Variants in CEP131 observed in about 807,000 individuals in gnomAD.
CEP131 encodes the protein centrosomal protein 131.
A neutral mutation model predicts 136.8 loss-of-function variants in CEP131; 99 were observed. The observed-to-expected ratio is 0.72, with a 90% CI of 0.62 to 0.86. CEP131 has a LOEUF of 0.86. Ranked by LOEUF, CEP131 falls within the 40% of genes least tolerant of loss-of-function variation. CEP131 has a pLI of 0.00. For synonymous variants in CEP131, 646 were observed against 612.7 expected (o/e 1.05, Z -0.80); for missense variants, 1,459 against 1,463.0 (o/e 1.00, Z 0.04).
intron 2 of CEP131, among the ~76,000 whole-genome samples, chr17:81,218,470 G>C (rs1432983900): frequency 6.6e-6 from 1 of 152,266 alleles, no homozygotes; most frequent in Non-Finnish European, 1.5e-5. Flanking sequence ...CTGCGGACAG[G>C]AGAGGCAGCA....
chr17:81,197,212 C>T (rs931248664), intron 13 of CEP131, among the ~76,000 whole-genome samples, 157 bp from the exon 14 acceptor site: 1 of 152,188 alleles, frequency 6.6e-6, no homozygotes, highest in African/African-American at 2.4e-5. Context: ...GGCGGCCCAG[C>T]AGAGGTCGTT....
chr17:81,198,852 G>A, intron 11 of CEP131, 25 bp downstream of exon 11: 1 of 1,558,410 alleles, frequency 6.4e-7, no homozygotes, highest in Non-Finnish European at 8.7e-7. Context: ...AACCATGATG[G>A]AGTGAAGGAC....
intron 7 of CEP131, among the ~76,000 whole-genome samples, chr17:81,200,794 A>T (rs1158232429): frequency 6.6e-6 from 1 of 152,168 alleles, no homozygotes; most frequent in Non-Finnish European, 1.5e-5. Flanking sequence ...GCGGGACCCT[A>T]CCCACAGGCA....
rs1411778142 is a variant in CEP131 at position 81,203,250 on chromosome 17, G to T, written c.629+244C>A. 6.6e-6 allele frequency among the ~76,000 whole-genome samples: 1 copy of T among 152,228 alleles called. No homozygotes were observed. Among genetic ancestry groups the T allele is most frequent in the Non-Finnish European group, 1.5e-5 (1 of 68,030 alleles). ...GTGGGAAGCTGCCGACCCAAGAACA[G>T]AAGAGGGCGGCGGACGTGGATGGGG... On this transcript the variant is annotated intron_variant, in intron 6 of 25. Coordinates refer to ENST00000450824, the MANE Select transcript of CEP131 (RefSeq NM_014984.4). This position sits in a 1 kb window ranked among gnomAD's most constrained non-coding sequence, Gnocchi z 4.6.
At chr17:81,199,258 G>A (rs527498539) in intron 10 of CEP131, 123 bp downstream of exon 10, 10 of 1,221,182 alleles carry the variant, frequency 8.2e-6, no homozygotes, top group Admixed American at 5.5e-5. Flanking sequence ...CCCTAACTCC[G>A]AGGACTGGGG....
chr17:81,199,253 A>G, intron 10 of CEP131, 128 bp downstream of exon 10: 2 of 1,165,176 alleles, frequency 1.7e-6, no homozygotes, highest in South Asian at 3.2e-5. Context: ...AAGGCCCCTA[A>G]CTCCGAGGAC....
rs372376051 is a variant in CEP131 at position 81,220,029 on chromosome 17, C to T, written c.28G>A (p.Val10Ile). ...ACACCTGCTGGGCTGCGCTCCGGGACGCTGCCGATGGCCCGGGTGCCTTTC... is the reference window on the plus strand; with the variant it reads ...ACACCTGCTGGGCTGCGCTCCGGGATGCTGCCGATGGCCCGGGTGCCTTTC... MKGTRAIGS[V>I]PERSPAGVDL... Residue 10 changes from valine (V) to isoleucine (I), a missense_variant, in exon 2 of 26, where the codon GTC becomes ATC. Around this residue, in one of 3 missense-constraint regions of CEP131, gnomAD observed 187 missense variants for 179.9 expected, o/e 1.04. Coordinates refer to ENST00000450824, the MANE Select transcript of CEP131 (RefSeq NM_014984.4). The T allele has an allele frequency of 2.9e-5, 47 of 1,597,998 alleles. No individual in the cohort carries two copies. The highest frequency in any genetic ancestry group is 1.8e-4 in the African/African-American group (13 of 74,174).
At chr17:81,209,052 G>A (rs760652432) in intron 2 of CEP131, 30 bp from the exon 3 acceptor site, 1 of 1,507,066 alleles carries the variant, frequency 6.6e-7, no homozygotes, top group Non-Finnish European at 9.2e-7. Context: ...AGTTAATTAT[G>A]CAGCAAAGGC....
chr17:81,193,984 G>A lies in CEP131; in HGVS notation c.2263C>T (p.Gln755Ter). 1 of 1,547,402 alleles carries A rather than the reference G, an allele frequency of 6.5e-7. No individual in the cohort carries two copies. The highest frequency in any genetic ancestry group is 8.7e-7 in the Non-Finnish European group (1 of 1,147,030). The change falls in exon 18 of 26, where the codon CAG becomes TAG. Residue 755 changes from glutamine to a stop codon, truncating the protein, a stop_gained. Transcript: ENST00000450824. LOFTEE classifies it high-confidence loss of function. ...CLRQAEELRE[Q>*]LEREKEALGQ... ...AGCGCCTCCTTCTCCCGCTCCAGCT[G>A]CTCCCGCAGCTCCTCGGCCTGGCGC...
At chr17:81,197,911 CG>C (rs755853357) in intron 12 of CEP131, 23 bp from the exon 13 acceptor site, 3 of 1,602,812 alleles carry the variant, frequency 1.9e-6, no homozygotes, top group African/African-American at 2.7e-5. Flanking sequence ...AGCCCAGCAT[CG>C]GGGGCTGTCA....
At position 81,194,156 on chromosome 17, in the gene CEP131, G is replaced by A. The variant is rs373309749; in HGVS notation, c.2120-29C>T. ...GGGGCGGGGCACCAGCTAGGGCCAC[G>A]TCCAGCTAGGGTGGGCCCGGGAAGT... On this transcript the variant is annotated intron_variant, in intron 17 of 25. Coordinates refer to ENST00000450824, the MANE Select transcript of CEP131 (RefSeq NM_014984.4). The A allele has an allele frequency of 4.8e-5, 71 of 1,481,128 alleles. 1 individual carries two copies. In the Middle Eastern group the frequency reaches 1.3e-3, roughly 27 times the overall value. The allele number at this position is 1,481,128 out of a possible 1,614,324, so 91.7% of individuals were successfully genotyped here.
Position 81,206,845 on chromosome 17 carries a change from CA to C in CEP131, c.413del (p.Leu138CysfsTer119). On this transcript the variant is annotated frameshift_variant, in exon 5 of 26. Transcript: ENST00000450824. LOFTEE classifies it high-confidence loss of function. ...VLDDQPRGFT[L>X]PSNARSSSAL... Reference sequence around the variant, plus strand: ...CACTGGAACTCCGGGCATTGGATGGCAAGGTGAAGCCCCGGGGCTGGTCATC... The same window carrying C: ...CACTGGAACTCCGGGCATTGGATGGCAGGTGAAGCCCCGGGGCTGGTCATC... The C allele has an allele frequency of 6.2e-7, 1 of 1,613,958 alleles. No individual in the cohort carries two copies. Among genetic ancestry groups the C allele is most frequent in the Non-Finnish European group, 8.5e-7 (1 of 1,180,002 alleles).
In CEP131 at chr17:81,193,912, G is replaced by A; in HGVS notation, c.2321+14C>T. The A allele has an allele frequency of 6.5e-7, 1 of 1,532,092 alleles. No individual in the cohort carries two copies. Among genetic ancestry groups the A allele is most frequent in the Non-Finnish European group, 8.8e-7 (1 of 1,142,228 alleles). 94.9% of individuals were successfully genotyped at this position (1,532,092 alleles called of 1,614,324 possible). On this transcript the variant is annotated intron_variant, in intron 18 of 25. Coordinates refer to ENST00000450824, the MANE Select transcript of CEP131 (RefSeq NM_014984.4). The stretch of plus-strand genomic sequence containing the variant: ...TGAGGGTCCTGGCCCCACCGGCCTG[G>A]GGCCACCACCCACCGCTGCCGAGCA...
intron 1 of CEP131, among the ~76,000 whole-genome samples, chr17:81,220,892 G>A (rs948738044): frequency 2.6e-5 from 4 of 151,914 alleles, no homozygotes; most frequent in Non-Finnish European, 5.9e-5. Context: ...GGAGACCAAG[G>A]CAGGCAGATT....
chr17:81,214,326 G>A (rs1283982273), intron 2 of CEP131, among the ~76,000 whole-genome samples: 2 of 152,182 alleles, frequency 1.3e-5, no homozygotes, highest in African/African-American at 2.4e-5. Context: ...AGGCCAAGGC[G>A]GGCGGATTCA....
In CEP131 at chr17:81,192,756, C is replaced by T. The variant is rs1244417141; in HGVS notation, c.2409G>A (p.Arg803=). The change falls in exon 19 of 26, where the codon CGG becomes CGA. Residue 803 remains arginine, a synonymous_variant. Transcript: ENST00000450824. ...LYSEVAEERE[R]LGQQAARQRA... ...GGCACCTGGCTGCCTGCTGGCCCAG[C>T]CGCTCCCTCTCCTCAGCCACCTCAC... 2 of 1,587,938 alleles carry T rather than the reference C, an allele frequency of 1.3e-6. No homozygotes were observed. The highest frequency in any genetic ancestry group is 1.3e-5 in the African/African-American group (1 of 74,638).
At position 81,200,329 on chromosome 17, in the gene CEP131, C is replaced by T. The variant is rs557446331; in HGVS notation, c.906G>A (p.Glu302=). 6.2e-7 allele frequency: 1 copy of T among 1,601,374 alleles called. No homozygotes were observed. ...GAGTGACTGAGACGCCCACACTGAC[C>T]TCCCGCTTGGCCTGAAGCAAGTGCT... is the stretch of plus-strand genomic sequence containing the variant. The part of the protein sequence containing the change: ...RLEHLLQAKR[E]EQRQRSGEGT... Residue 302 remains glutamate, a splice_region_variant and synonymous_variant, in exon 8 of 26, where the codon GAG becomes GAA. Transcript: ENST00000450824.
Position 81,196,763 on chromosome 17 carries a change from G to C in CEP131, c.1837C>G (p.Leu613Val), listed in dbSNP as rs2146536647. The C allele has an allele frequency of 6.3e-7, 1 of 1,595,714 alleles. No homozygotes were observed. Among genetic ancestry groups the C allele is most frequent in the Non-Finnish European group, 8.5e-7 (1 of 1,172,884 alleles). The change falls in exon 15 of 26, where the codon CTG becomes GTG. Residue 613 changes from leucine to valine, a missense_variant. Coordinates refer to ENST00000450824, the MANE Select transcript of CEP131 (RefSeq NM_014984.4). ...TCGTAGTGCTCCCTCTGCCGCTGCA[G>C]CTGCCGGCTCAGCGCCTTCTCTGTC... ...KETEKALSRQLQRQREHYEAT... is the reference protein window; with the variant it reads ...KETEKALSRQVQRQREHYEAT...
At position 81,210,829 on chromosome 17, in the gene CEP131, C is replaced by CAAA. The variant is rs11379490; in HGVS notation, c.178-1810_178-1808dup. 1.0e-2 allele frequency among the ~76,000 whole-genome samples: 1,355 copies of CAAA among 136,128 alleles called. 24 individuals carry two copies. Among genetic ancestry groups the CAAA allele is most frequent in the East Asian group, 0.06 (269 of 4,484 alleles). 89.3% of individuals were successfully genotyped at this position (136,128 alleles called of 152,430 possible). On this transcript the variant is annotated intron_variant, in intron 2 of 25. Coordinates refer to ENST00000450824, the MANE Select transcript of CEP131 (RefSeq NM_014984.4). ...AAACAACCCAACTTCAAAAAAAGAC[C>CAAA]AAAAAAAAAAAAAAAGGCTCCAGGA... is the stretch of plus-strand genomic sequence containing the variant.
Sources: allele counts gnomAD v4.1 joint callset (sites outside exome capture counted in the v4.1 genomes callset), GRCh38; gene constraint gnomAD v4.1.1; regional missense constraint gnomAD v4.1.1; non-coding constraint Gnocchi (gnomAD v3.1); transcripts MANE v1.5; gene names NCBI Gene and HGNC (gene_info 2026-07-23, HGNC 2026-07-21).